Variants in LMBR1 observed in about 807,000 individuals in gnomAD.
LMBR1 encodes the protein limb region 1 protein homolog.
LMBR1 carries 52 observed loss-of-function variants against 73.9 expected under a neutral mutation model. The ratio of observed to expected loss-of-function variants is 0.70; its 90% CI spans 0.56 to 0.89. The LOEUF (loss-of-function observed/expected upper bound fraction) is 0.89, where lower values mean the gene tolerates loss of function less well. Among genes scored for constraint, LMBR1 ranks in the 40% least tolerant of loss-of-function variants. The pLI, the probability that LMBR1 is intolerant of heterozygous loss-of-function variation, is 0.00. For missense variants in LMBR1, 539 were observed against 579.8 expected (o/e 0.93, Z 0.72); for synonymous variants, 215 against 209.4 (o/e 1.03, Z -0.23).
intron 1 of LMBR1, among the ~76,000 whole-genome samples, chr7:156,876,141 G>A (rs1800131913): frequency 6.6e-6 from 1 of 152,090 alleles, no homozygotes; most frequent in Non-Finnish European, 1.5e-5. Context: ...CCATGCAAAT[G>A]GACACCAGAA....
chr7:156,738,924 C>G (rs1336243608), intron 9 of LMBR1, among the ~76,000 whole-genome samples: 1 of 152,122 alleles, frequency 6.6e-6, no homozygotes, highest in Non-Finnish European at 1.5e-5. Flanking sequence ...CTGAAAGACT[C>G]CTTCTGCTTG....
chr7:156,678,476 A>G lies in LMBR1; in HGVS notation c.*5602T>C, dbSNP rs1480800522. 1 of 152,252 alleles carries G rather than the reference A, an allele frequency of 6.6e-6. No homozygotes were observed. The highest frequency in any genetic ancestry group is 2.4e-5 in the African/African-American group (1 of 41,466). The allele number at this position is 152,252 out of a possible 1,614,324, so 9.4% of individuals were successfully genotyped here. A position where few individuals can be genotyped will look rare whatever the true frequency, so the allele number is the denominator to read the frequency against. ...ACGCTAAAAAGGACCTGAATGAAGT[A>G]GCTACTTCTCTGGACAATTTGAAGA... On this transcript the variant is annotated 3_prime_UTR_variant, in exon 17 of 17. Transcript: ENST00000353442.
chr7:156,700,699 AC>A (rs1563163680), intron 15 of LMBR1, among the ~76,000 whole-genome samples: 1 of 152,162 alleles, frequency 6.6e-6, no homozygotes, highest in Admixed American at 6.5e-5. Context: ...TCCAAACTTT[AC>A]CATATTTTCC....
chr7:156,830,720 A>T (rs1586090265), intron 3 of LMBR1, among the ~76,000 whole-genome samples: 1 of 152,228 alleles, frequency 6.6e-6, no homozygotes, highest in African/African-American at 2.4e-5. Flanking sequence ...ACGTCACTCT[A>T]AACTAGTGAT....
chr7:156,787,771 G>A (rs1003834290), intron 5 of LMBR1, among the ~76,000 whole-genome samples: 1 of 152,002 alleles, frequency 6.6e-6, no homozygotes, highest in African/African-American at 2.4e-5. Flanking sequence ...GATATAACTG[G>A]ATCTTTTTTT....
At chr7:156,790,076 T>C (rs1828931169) in intron 5 of LMBR1, among the ~76,000 whole-genome samples, 2 of 152,228 alleles carry the variant, frequency 1.3e-5, no homozygotes, top group South Asian at 4.1e-4. Context: ...TTTAGTTATC[T>C]ATTAAACAAA....
intron 1 of LMBR1, among the ~76,000 whole-genome samples, chr7:156,877,837 C>T (rs181070924): frequency 1.8e-3 from 268 of 149,890 alleles, no homozygotes; most frequent in African/African-American, 6.1e-3. Context: ...GAGCAGAGAT[C>T]GCGCCACTGC....
intron 15 of LMBR1, among the ~76,000 whole-genome samples, chr7:156,700,586 A>G (rs1238717882): frequency 6.6e-6 from 1 of 152,226 alleles, no homozygotes; most frequent in East Asian, 1.9e-4. Flanking sequence ...TCCAGTTCGC[A>G]ACAAGTTCCT....
In LMBR1 at chr7:156,853,051, G is replaced by A. The variant is rs141045161; in HGVS notation, c.67-16166C>T. Among the ~76,000 whole-genome samples the A allele has an allele frequency of 4.3e-3, 652 of 150,694 alleles. 7 individuals are homozygous for A. The highest frequency in any genetic ancestry group is 0.015 in the African/African-American group (606 of 40,962). On this transcript the variant is annotated intron_variant, in intron 1 of 16. Coordinates refer to ENST00000353442, the MANE Select transcript of LMBR1 (RefSeq NM_022458.4). ...CCTCCCAGGTTCAGGCCATTTTCCC[G>A]CCTCGGCCTCCCAAGTAGCTGGGAC...
chr7:156,842,961 T>C (rs1454925481), intron 1 of LMBR1, among the ~76,000 whole-genome samples: 1 of 152,302 alleles, frequency 6.6e-6, no homozygotes. Flanking sequence ...TGCAGACTTC[T>C]ACCTTTCACC....
At chr7:156,749,338 T>A (rs1585539832) in intron 9 of LMBR1, among the ~76,000 whole-genome samples, 1 of 152,198 alleles carries the variant, frequency 6.6e-6, no homozygotes, top group South Asian at 2.1e-4. Context: ...TTGCCAATGA[T>A]AACTGAAAAT....
downstream of LMBR1, chr7:156,676,499 C>G (rs202134363): frequency 1.2e-4 from 191 of 1,613,916 alleles, no homozygotes; most frequent in Non-Finnish European, 1.5e-4. Flanking sequence ...TGGGTGCAGG[C>G]AGGCGTTCCA....
intron 11 of LMBR1, 28 bp from the exon 12 acceptor site, chr7:156,728,035 T>C: frequency 6.4e-7 from 1 of 1,555,990 alleles, no homozygotes; most frequent in Admixed American, 1.7e-5. Context: ...AACTGTCAGC[T>C]CTCAAGATTT....
intron 15 of LMBR1, among the ~76,000 whole-genome samples, chr7:156,722,431 A>G (rs1045540919): frequency 6.6e-6 from 1 of 152,172 alleles, no homozygotes; most frequent in Non-Finnish European, 1.5e-5. Context: ...AGGAATTACA[A>G]AGTAACTCTC....
At chr7:156,807,052 G>A (rs780424256) in intron 4 of LMBR1, among the ~76,000 whole-genome samples, 25 of 151,236 alleles carry the variant, frequency 1.7e-4, no homozygotes, top group Non-Finnish European at 2.8e-4. Flanking sequence ...TTTCTAGCAC[G>A]TTAATAAAAT....
At chr7:156,777,631 T>C (rs1044209819) in intron 5 of LMBR1, among the ~76,000 whole-genome samples, 1 of 152,226 alleles carries the variant, frequency 6.6e-6, no homozygotes, top group African/African-American at 2.4e-5. Context: ...CTAAGTGATC[T>C]TGCCTCTTCC....
intron 9 of LMBR1, among the ~76,000 whole-genome samples, chr7:156,739,332 G>A (rs1003199660): frequency 6.6e-6 from 1 of 151,656 alleles, no homozygotes; most frequent in Non-Finnish European, 1.5e-5. Flanking sequence ...CTGCCTCCCA[G>A]ACAGCATCTC....
chr7:156,769,783 G>A (rs377132984), intron 5 of LMBR1, among the ~76,000 whole-genome samples: 13 of 152,326 alleles, frequency 8.5e-5, no homozygotes, highest in African/African-American at 2.9e-4. Flanking sequence ...AAAGAACAGT[G>A]AGCGTGGGGA....
At chr7:156,676,851 G>T, downstream of LMBR1, 1 of 563,374 alleles carries the variant, frequency 1.8e-6, no homozygotes, top group Non-Finnish European at 3.1e-6. Context: ...TCTCTAAAAA[G>T]TAAATTTCAA....
Sources: gnomAD v4.1 joint callset for allele counts (sites outside exome capture counted in the v4.1 genomes callset) on GRCh38, gnomAD v4.1.1 for gene constraint, MANE v1.5 for transcripts, NCBI Gene and HGNC (gene_info 2026-07-23, HGNC 2026-07-21) for gene names.